The following RBFOX1 variants were observed in gnomAD, a reference collection of about 807,000 sequenced individuals.
The protein encoded by RBFOX1 is RNA binding protein fox-1 homolog 1.
Under a neutral mutation model 57.7 loss-of-function variants are expected in RBFOX1, and 8 were observed. The ratio of observed to expected loss-of-function variants is 0.14; its 90% CI spans 0.08 to 0.25. The LOEUF (loss-of-function observed/expected upper bound fraction) is 0.25. Ranked by LOEUF, RBFOX1 falls within the 10% of genes least tolerant of loss-of-function variation. RBFOX1 has a pLI of 1.00. For missense variants in RBFOX1, 611 were observed against 548.5 expected, an observed-to-expected ratio of 1.11 and a Z score of -1.14; for synonymous variants, 326 against 222.4, an observed-to-expected ratio of 1.47 and a Z score of -4.15.
chr16:7,034,849 T>C (rs906964184), intron 3 of RBFOX1, among the ~76,000 whole-genome samples: 2 of 56,708 alleles, frequency 3.5e-5, no homozygotes, highest in African/African-American at 1.1e-4. Flanking sequence ...TTCTTTTTTC[T>C]TTTTTTTTTT....
intron 3 of RBFOX1, among the ~76,000 whole-genome samples, chr16:7,012,163 T>C (rs1354503685): frequency 6.6e-6 from 1 of 152,180 alleles, no homozygotes; most frequent in Non-Finnish European, 1.5e-5. Flanking sequence ...ATGATCACTA[T>C]CATTTATTGA....
At chr16:6,959,342 A>G (rs76585116) in intron 3 of RBFOX1, among the ~76,000 whole-genome samples, 7,865 of 152,272 alleles carry the variant, frequency 0.052, 239 homozygotes, top group African/African-American at 0.069. Context: ...ATTGTTTTCA[A>G]TACATCTGAT....
intron 3 of RBFOX1, among the ~76,000 whole-genome samples, chr16:6,816,081 G>T (rs1189630245): frequency 2.6e-5 from 4 of 152,182 alleles, no homozygotes; most frequent in African/African-American, 4.8e-5. Context: ...GCTGAGGCAG[G>T]AGGATTGCTT....
At chr16:5,490,587 G>A (rs979612331) in intron 2 of RBFOX1, among the ~76,000 whole-genome samples, 1 of 152,194 alleles carries the variant, frequency 6.6e-6, no homozygotes. Flanking sequence ...GCCGAGGGCG[G>A]GGTGAGGGGG....
chr16:7,208,064 A>T (rs1227327137), intron 4 of RBFOX1, among the ~76,000 whole-genome samples: 1 of 152,182 alleles, frequency 6.6e-6, no homozygotes, highest in African/African-American at 2.4e-5. Flanking sequence ...AGGCAACATC[A>T]ATCCTGCAAC....
Position 5,978,881 on chromosome 16 carries a change from C to T in RBFOX1, c.351+111546C>T, listed in dbSNP as rs927329804. ...GCTACACCCCCAATACTGTTCATCA[C>T]GGTGCCCACTTTGGTGGGCTGAGGG... On this transcript the variant is annotated intron_variant, in intron 4 of 19. Coordinates refer to the RBFOX1 transcript ENST00000641259. Among the ~76,000 whole-genome samples the T allele has an allele frequency of 2.0e-5, 3 of 152,136 alleles. No individual in the cohort carries two copies. In the East Asian group the frequency reaches 5.8e-4, roughly 29 times the overall value.
At position 6,515,724 on chromosome 16, in the gene RBFOX1, C is replaced by T. The variant is rs577879695; in HGVS notation, c.-63-138879C>T. On this transcript the variant is annotated intron_variant, in intron 2 of 15. Transcript: ENST00000550418. The stretch of plus-strand genomic sequence containing the variant: ...TCCCCTGCTTTGACTTCAGGCTACC[C>T]CATACCTCCACTGTGCTGAACTAAT... Among the ~76,000 whole-genome samples the T allele has an allele frequency of 3.3e-5, 5 of 152,220 alleles. No individual in the cohort carries two copies. In the East Asian group the frequency reaches 9.7e-4, roughly 30 times the overall value.
At chr16:6,891,577 G>A (rs1344756900) in intron 3 of RBFOX1, among the ~76,000 whole-genome samples, 1 of 152,144 alleles carries the variant, frequency 6.6e-6, no homozygotes, top group African/African-American at 2.4e-5. Flanking sequence ...CAGTGCTCCA[G>A]GCATAGCATT....
chr16:7,126,828 G>A (rs2151907499), intron 4 of RBFOX1, among the ~76,000 whole-genome samples: 1 of 152,052 alleles, frequency 6.6e-6, no homozygotes, highest in South Asian at 2.1e-4. Context: ...CCAATACGGT[G>A]AAACCTCATC....
intron 4 of RBFOX1, among the ~76,000 whole-genome samples, chr16:5,901,842 C>T (rs540453582): frequency 8.5e-5 from 13 of 152,262 alleles, no homozygotes; most frequent in African/African-American, 2.9e-4. Context: ...CTTATCATTT[C>T]GTCTCTGCTG....
intron 3 of RBFOX1, among the ~76,000 whole-genome samples, chr16:6,927,869 G>A (rs1435166086): frequency 6.6e-6 from 1 of 152,112 alleles, no homozygotes; most frequent in East Asian, 1.9e-4. Flanking sequence ...CATTTCAAGT[G>A]TGTACATATA....
intron 4 of RBFOX1, among the ~76,000 whole-genome samples, chr16:7,480,919 G>T (rs1242522477): frequency 6.6e-6 from 1 of 152,174 alleles, no homozygotes; most frequent in African/African-American, 2.4e-5. Flanking sequence ...GGGAGGGGCA[G>T]GGGTAGGGGT....
Position 7,710,821 on chromosome 16 carries a change from G to T in RBFOX1, c.*76G>T. On this transcript the variant is annotated 3_prime_UTR_variant, in exon 16 of 16. Coordinates refer to ENST00000550418, the MANE Select transcript of RBFOX1 (RefSeq NM_018723.4). ...AGGCCTGAGTATTGCAATACATGCA[G>T]TAGTACATCATTTTAGCAACTCTAA... 2.6e-6 allele frequency: 3 copies of T among 1,172,740 alleles called. No homozygotes were observed. The highest frequency in any genetic ancestry group is 3.4e-6 in the Non-Finnish European group (3 of 891,394). 72.6% of individuals were successfully genotyped at this position (1,172,740 alleles called of 1,614,324 possible). A position where few individuals can be genotyped will look rare whatever the true frequency, so the allele number is the denominator to read the frequency against.
At chr16:6,300,928 T>A (rs2078746672) in intron 1 of RBFOX1, among the ~76,000 whole-genome samples, 1 of 152,214 alleles carries the variant, frequency 6.6e-6, no homozygotes, top group East Asian at 1.9e-4. Context: ...AATCCCTAAC[T>A]GTACCTGGCA....
At chr16:5,919,282 A>G (rs1444622455) in intron 4 of RBFOX1, among the ~76,000 whole-genome samples, 3 of 152,222 alleles carry the variant, frequency 2.0e-5, no homozygotes, top group African/African-American at 4.8e-5. Flanking sequence ...ACAGTAAATC[A>G]TGGTGTCACC....
intron 3 of RBFOX1, among the ~76,000 whole-genome samples, chr16:5,626,121 C>T (rs528762933): frequency 7.2e-5 from 11 of 152,304 alleles, no homozygotes; most frequent in South Asian, 4.1e-4. Context: ...CTCGGGTGAT[C>T]TGCCCGCCTC....
intron 14 of RBFOX1, among the ~76,000 whole-genome samples, chr16:7,690,145 A>G (rs575794372): frequency 6.6e-6 from 1 of 152,082 alleles, no homozygotes; most frequent in Non-Finnish European, 1.5e-5. Flanking sequence ...AGTCACCTAT[A>G]GAGCATTTTC....
intron 2 of RBFOX1, among the ~76,000 whole-genome samples, chr16:6,491,041 C>A (rs1008326335): frequency 2.6e-5 from 4 of 151,920 alleles, no homozygotes; most frequent in African/African-American, 9.7e-5. Context: ...ACCAAGACTA[C>A]CCAGTAAAGT....
chr16:7,425,350 C>G (rs1194474463), intron 4 of RBFOX1, among the ~76,000 whole-genome samples: 1 of 152,122 alleles, frequency 6.6e-6, no homozygotes, highest in African/African-American at 2.4e-5. Context: ...TGACTTTTAC[C>G]TACGAGTTAC....
Sources: allele counts gnomAD v4.1 joint callset (sites outside exome capture counted in the v4.1 genomes callset), GRCh38; gene constraint gnomAD v4.1.1; transcripts MANE v1.5; gene names NCBI Gene and HGNC (gene_info 2026-07-23, HGNC 2026-07-21).